The following UTRN variants were observed in gnomAD, a reference collection of about 807,000 sequenced individuals.
UTRN encodes the protein dystrophin-related protein 1.
UTRN carries 283 observed loss-of-function variants against 463.9 expected under a neutral mutation model. The observed-to-expected ratio is 0.61, with a 90% CI of 0.55 to 0.67. The LOEUF (loss-of-function observed/expected upper bound fraction) is 0.67. UTRN is among the 30% of genes least tolerant of loss of function. UTRN has a pLI of 0.00. For missense variants in UTRN, 3,922 were observed against 4,084.3 expected (o/e 0.96, Z 1.08); for synonymous variants, 1,442 against 1,431.5 (o/e 1.01, Z -0.17).
chr6:144,441,460 C>T (rs953159714), intron 13 of UTRN, among the ~76,000 whole-genome samples: 3 of 152,242 alleles, frequency 2.0e-5, no homozygotes, highest in Non-Finnish European at 4.4e-5. Context: ...TGTTTCACAT[C>T]CAGGTCACGC....
intron 3 of UTRN, among the ~76,000 whole-genome samples, chr6:144,403,807 A>G (rs1218787627): frequency 6.6e-6 from 1 of 152,162 alleles, no homozygotes; most frequent in Middle Eastern, 3.2e-3. Flanking sequence ...ATCTGTTCTA[A>G]TATGATTATC....
intron 2 of UTRN, among the ~76,000 whole-genome samples, chr6:144,365,125 G>A (rs879402244): frequency 9.2e-5 from 14 of 152,144 alleles, no homozygotes; most frequent in Non-Finnish European, 1.6e-4. Context: ...GCCACATTGC[G>A]TAGCTCTTGA....
chr6:144,655,381 C>G (rs1436536965), intron 51 of UTRN, among the ~76,000 whole-genome samples: 1 of 152,204 alleles, frequency 6.6e-6, no homozygotes, highest in African/African-American at 2.4e-5. Flanking sequence ...GGTCTTGAAG[C>G]TATTTTATTT....
chr6:144,479,906 C>T lies in UTRN; in HGVS notation c.3431C>T (p.Ala1144Val). 6.2e-7 allele frequency: 1 copy of T among 1,614,072 alleles called. No individual in the cohort carries two copies. Among genetic ancestry groups the T allele is most frequent in the African/African-American group, 1.3e-5 (1 of 75,018 alleles). The change falls in exon 26 of 75, where the codon GCC (alanine) becomes GTC (valine). Residue 1144 changes from alanine (A) to valine (V), a missense_variant. Physicochemically the swap from Ala to Val is moderately conservative, Grantham distance 64. Transcript: ENST00000367545. Reference protein sequence around the residue: ...LAEMQEWMTQAEEEYLERDFE... With the variant: ...LAEMQEWMTQVEEEYLERDFE... The stretch of plus-strand genomic sequence containing the variant: ...GAGATGCAGGAATGGATGACCCAGG[C>T]CGAGGAAGAATATTTGGAGCGGGAT...
At chr6:144,459,505 T>C (rs1263086868) in intron 21 of UTRN, 151 bp downstream of exon 21, 5 of 776,750 alleles carry the variant, frequency 6.4e-6, no homozygotes, top group Admixed American at 7.3e-5. Context: ...TAAAGTCTTC[T>C]GTATTCAGAT....
At chr6:144,679,344 T>A (rs1781977400) in intron 52 of UTRN, among the ~76,000 whole-genome samples, 1 of 152,118 alleles carries the variant, frequency 6.6e-6, no homozygotes, top group African/African-American at 2.4e-5. Context: ...ATATATAAAT[T>A]TAGTGAATAC....
chr6:144,679,479 TC>T (rs1347122468), intron 52 of UTRN, among the ~76,000 whole-genome samples: 7 of 152,142 alleles, frequency 4.6e-5, no homozygotes, highest in Non-Finnish European at 1.0e-4. Flanking sequence ...AACCAAATGG[TC>T]TTGAATTTGA....
At chr6:144,551,136 G>GACACAC (rs5880596) in intron 48 of UTRN, 54 bp downstream of exon 48, 8,878 of 634,772 alleles carry the variant, frequency 0.014, 73 homozygotes, top group African/African-American at 0.044. Context: ...TGCAAATGGT[G>GACACAC]ACACACACAC....
At chr6:144,412,749 TATACACACACC>T in intron 3 of UTRN, among the ~76,000 whole-genome samples, 1 of 129,292 alleles carries the variant, frequency 7.7e-6, no homozygotes, top group African/African-American at 2.8e-5. Flanking sequence ...TATATATATA[TATACACACACC>T]ATACACACAC....
In UTRN at chr6:144,551,065, C is replaced by G. The variant is rs1326415751; in HGVS notation, c.6911C>G (p.Thr2304Arg). 1.3e-6 allele frequency: 2 copies of G among 1,590,106 alleles called. No individual in the cohort carries two copies. The highest frequency in any genetic ancestry group is 2.7e-5 in the African/African-American group (2 of 73,080). ...KNKASSSDMR[T>R]AITEKLERVK... Reference sequence around the variant, plus strand: ...AAAGCTTCCAGTTCAGATATGAGAACAGCAATTACAGAAAAATGTAAGTTT... The same window carrying G: ...AAAGCTTCCAGTTCAGATATGAGAAGAGCAATTACAGAAAAATGTAAGTTT... The change falls in exon 48 of 75, where the codon ACA (threonine) becomes AGA (arginine). Residue 2304 changes from threonine (T) to arginine (R), a missense_variant. Around this residue, in one of 3 missense-constraint regions of UTRN, gnomAD observed 1,309 missense variants for 1,452.6 expected, o/e 0.90. Transcript: ENST00000367545.
At chr6:144,617,476 A>C (rs765539949) in intron 51 of UTRN, among the ~76,000 whole-genome samples, 1 of 152,184 alleles carries the variant, frequency 6.6e-6, no homozygotes, top group Non-Finnish European at 1.5e-5. Context: ...CAGCTTCAGC[A>C]AGTTATATTT....
chr6:144,418,370 C>T (rs1020176614), intron 3 of UTRN, among the ~76,000 whole-genome samples: 78 of 130,178 alleles, frequency 6.0e-4, no homozygotes, highest in African/African-American at 1.4e-3. Context: ...CCCGCCACCA[C>T]GCCCGGCTAA....
At chr6:144,412,734 GTGTATA>G (rs375461307) in intron 3 of UTRN, among the ~76,000 whole-genome samples, 15,427 of 139,760 alleles carry the variant, frequency 0.11, 2,084 homozygotes, top group African/African-American at 0.33. Context: ...GTGTGTGTGT[GTGTATA>G]TATATATATA....
intron 73 of UTRN, among the ~76,000 whole-genome samples, chr6:144,841,985 T>A (rs1402986947): frequency 6.6e-6 from 1 of 151,736 alleles, no homozygotes; most frequent in East Asian, 1.9e-4. Flanking sequence ...TGGCATGCAC[T>A]TGTAATCCCA....
chr6:144,837,773 C>T (rs6570647), intron 71 of UTRN, among the ~76,000 whole-genome samples: 86,485 of 152,058 alleles, frequency 0.57, 29,022 homozygotes, highest in East Asian at 0.96. Flanking sequence ...TTTGTGTAGG[C>T]AATTCATAAT....
intron 2 of UTRN, among the ~76,000 whole-genome samples, chr6:144,372,473 A>G (rs1282054524): frequency 1.1e-4 from 17 of 152,178 alleles, no homozygotes; most frequent in Non-Finnish European, 1.5e-5. Context: ...TATCCGCAAT[A>G]GATAAAGAAG....
Position 144,447,207 on chromosome 6 carries a change from G to A in UTRN, c.1615-4G>A, listed in dbSNP as rs1443861814. The A allele has an allele frequency of 4.3e-6, 7 of 1,613,110 alleles. No homozygotes were observed. In the Admixed American group the frequency reaches 8.4e-5, roughly 19 times the overall value. On this transcript the variant is annotated splice_region_variant and splice_polypyrimidine_tract_variant and intron_variant, in intron 14 of 74. Coordinates refer to ENST00000367545, the MANE Select transcript of UTRN (RefSeq NM_007124.3). ...TAAAGTTCAACTTTTGTTATTACTT[G>A]TAGTGCTTGTTGAAAGCTTGGTTAA...
In UTRN at chr6:144,490,942, A is replaced by G. The variant is rs201900764; in HGVS notation, c.4277A>G (p.Glu1426Gly). The change falls in exon 32 of 75, where the codon GAG becomes GGG. Residue 1426 changes from glutamate (E) to glycine (G), a missense_variant. Physicochemically the swap from Glu to Gly is moderately conservative, Grantham distance 98. This residue lies in a region of UTRN where 2,349 missense variants were observed against 2,303.8 expected (regional missense o/e 1.02). Transcript: ENST00000367545. ...TTCTGCAAACAGAGGAAACTCCGAG[A>G]GGTGTCCACAAAGTTCCAGCTTTTC... ...QMDVLQRKLR[E>G]VSTKFQLFQK... 4.4e-6 allele frequency: 7 copies of G among 1,601,202 alleles called. No individual in the cohort carries two copies. The African/African-American group carries it at 5.4e-5, about 12-fold the overall frequency.
intron 59 of UTRN, 32 bp from the exon 60 acceptor site, chr6:144,774,258 C>G: frequency 6.4e-7 from 1 of 1,571,342 alleles, no homozygotes; most frequent in Non-Finnish European, 8.7e-7. Flanking sequence ...AATAATAAGC[C>G]TATCTTCAAA....
Sources: allele counts gnomAD v4.1 joint callset (sites outside exome capture counted in the v4.1 genomes callset), GRCh38; gene constraint gnomAD v4.1.1; regional missense constraint gnomAD v4.1.1; transcripts MANE v1.5; gene names NCBI Gene and HGNC (gene_info 2026-07-23, HGNC 2026-07-21).